Variants in SUPT3H observed in about 807,000 individuals in gnomAD.
SUPT3H encodes transcription initiation protein SPT3 homolog.
A neutral mutation model predicts 44.3 loss-of-function variants in SUPT3H; 44 were observed. That is an observed-to-expected ratio of 0.99 (90% CI 0.78 to 1.28). The LOEUF (loss-of-function observed/expected upper bound fraction) is 1.28, where lower values mean the gene tolerates loss of function less well. Ranked by LOEUF, SUPT3H falls within the 50% of genes most tolerant of loss-of-function variation. SUPT3H has a pLI of 0.00. For synonymous variants in SUPT3H, 124 were observed against 125.6 expected (o/e 0.99, Z 0.09); for missense variants, 380 against 387.1 (o/e 0.98, Z 0.15).
chr6:45,268,794 G>C (rs751117752), intron 2 of SUPT3H, among the ~76,000 whole-genome samples: 39 of 152,136 alleles, frequency 2.6e-4, no homozygotes, highest in Non-Finnish European at 5.0e-4. Context: ...ACTTATTTCA[G>C]ATAACCTGAC....
chr6:44,865,013 A>AT (rs1280192736), intron 10 of SUPT3H, among the ~76,000 whole-genome samples: 2 of 152,224 alleles, frequency 1.3e-5, no homozygotes, highest in Non-Finnish European at 2.9e-5. Flanking sequence ...CACTTCTTGA[A>AT]TACTTTGCAG....
intron 3 of SUPT3H, among the ~76,000 whole-genome samples, chr6:45,092,094 G>A (rs1386784237): frequency 1.3e-5 from 2 of 151,290 alleles, no homozygotes; most frequent in Admixed American, 6.6e-5. Context: ...TGTGTTTTTA[G>A]CAATTATTTT....
At chr6:45,115,628 C>T (rs190749174) in intron 2 of SUPT3H, among the ~76,000 whole-genome samples, 1 of 152,090 alleles carries the variant, frequency 6.6e-6, no homozygotes, top group East Asian at 1.9e-4. Context: ...AACTTAAGGA[C>T]TTTAGTGAGA....
intron 2 of SUPT3H, among the ~76,000 whole-genome samples, chr6:45,124,503 G>A (rs985092737): frequency 6.6e-6 from 1 of 151,688 alleles, no homozygotes; most frequent in Non-Finnish European, 1.5e-5. Flanking sequence ...AAATTAGCTG[G>A]GCATGGTGGT....
intron 11 of SUPT3H, among the ~76,000 whole-genome samples, chr6:44,810,715 G>T (rs1030103848): frequency 6.6e-6 from 1 of 151,986 alleles, no homozygotes; most frequent in Non-Finnish European, 1.5e-5. Context: ...AGACCATCCT[G>T]GCCAACATGG....
rs542751839 is a variant in SUPT3H, at chr6:44,927,008, G to C, written c.912+5645C>G. 1.8e-4 allele frequency among the ~76,000 whole-genome samples: 27 copies of C among 152,124 alleles called. No homozygotes were observed. The South Asian group carries it at 3.5e-3, about 20-fold the overall frequency. On this transcript the variant is annotated intron_variant, in intron 10 of 10. Transcript: ENST00000371459. The stretch of plus-strand genomic sequence containing the variant: ...CTTTGATCCAGGAATTTCACTTCTA[G>C]TAATCTATCATAAGGAAACAACTAG...
chr6:44,930,050 C>T (rs1150806), intron 10 of SUPT3H, among the ~76,000 whole-genome samples: 91,069 of 151,642 alleles, frequency 0.6, 28,339 homozygotes, highest in African/African-American at 0.78. Flanking sequence ...GAGTTCAAGG[C>T]CAGCCTGGCC....
chr6:45,263,314 G>A (rs1235346816), intron 2 of SUPT3H, among the ~76,000 whole-genome samples: 3 of 152,078 alleles, frequency 2.0e-5, no homozygotes. Flanking sequence ...TAAAAAGAAC[G>A]AATTATGTCC....
chr6:45,217,406 C>T (rs1487790385), intron 2 of SUPT3H, among the ~76,000 whole-genome samples: 2 of 150,032 alleles, frequency 1.3e-5, no homozygotes, highest in South Asian at 2.1e-4. Flanking sequence ...ACCCAGGAGG[C>T]GGAGGCTGCA....
intron 2 of SUPT3H, among the ~76,000 whole-genome samples, chr6:45,115,191 T>A (rs1328547306): frequency 6.6e-6 from 1 of 152,122 alleles, no homozygotes; most frequent in Non-Finnish European, 1.5e-5. Flanking sequence ...AAACATGGAA[T>A]CAGAGAGAGT....
intron 3 of SUPT3H, among the ~76,000 whole-genome samples, chr6:45,049,978 C>T (rs755554746): frequency 6.6e-6 from 1 of 151,986 alleles, no homozygotes; most frequent in Non-Finnish European, 1.5e-5. Flanking sequence ...TATTTGGTAC[C>T]CTCTTTTTAA....
At chr6:45,115,760 T>A (rs551490208) in intron 2 of SUPT3H, among the ~76,000 whole-genome samples, 11 of 152,184 alleles carry the variant, frequency 7.2e-5, no homozygotes, top group Non-Finnish European at 1.6e-4. Flanking sequence ...AAAAATGCAC[T>A]TACATTCAAC....
At chr6:45,216,426 A>G (rs58861889) in intron 2 of SUPT3H, among the ~76,000 whole-genome samples, 195 of 152,344 alleles carry the variant, frequency 1.3e-3, no homozygotes, top group African/African-American at 3.7e-3. Context: ...TAACAAAATG[A>G]TAAGAGTAAG....
At chr6:45,110,263 C>G (rs1799854181) in intron 2 of SUPT3H, among the ~76,000 whole-genome samples, 1 of 152,128 alleles carries the variant, frequency 6.6e-6, no homozygotes, top group South Asian at 2.1e-4. Flanking sequence ...TTGACAGGTG[C>G]ACAGTGAAAG....
chr6:44,956,896 A>G (rs1032596055), intron 7 of SUPT3H, among the ~76,000 whole-genome samples: 5 of 152,208 alleles, frequency 3.3e-5, no homozygotes, highest in Admixed American at 3.3e-4. Context: ...AAGCCATATT[A>G]CAAATTTTTG....
At chr6:44,886,685 G>A (rs1340418839) in intron 10 of SUPT3H, among the ~76,000 whole-genome samples, 2 of 152,066 alleles carry the variant, frequency 1.3e-5, no homozygotes, top group African/African-American at 4.8e-5. Context: ...AAAGACCATC[G>A]AGGCTAGGAA....
intron 3 of SUPT3H, among the ~76,000 whole-genome samples, chr6:45,056,585 T>C (rs1401414187): frequency 6.6e-6 from 1 of 152,142 alleles, no homozygotes; most frequent in Non-Finnish European, 1.5e-5. Flanking sequence ...TTATTCTATG[T>C]GAAGTAACTC....
chr6:45,157,893 A>G (rs1170212387), intron 2 of SUPT3H, among the ~76,000 whole-genome samples: 1 of 151,442 alleles, frequency 6.6e-6, no homozygotes, highest in Non-Finnish European at 1.5e-5. Flanking sequence ...ATGTGTAGCC[A>G]AGGATGAGAA....
At chr6:45,005,961 G>T (rs1447757560) in intron 5 of SUPT3H, among the ~76,000 whole-genome samples, 2 of 151,936 alleles carry the variant, frequency 1.3e-5, no homozygotes, top group Non-Finnish European at 1.5e-5. Flanking sequence ...TTGCTATTTT[G>T]CTGATTTACT....
Sources: allele counts gnomAD v4.1 joint callset (sites outside exome capture counted in the v4.1 genomes callset), GRCh38; gene constraint gnomAD v4.1.1; transcripts MANE v1.5; gene names NCBI Gene and HGNC (gene_info 2026-07-23, HGNC 2026-07-21).